The following CNTRL variants were observed in gnomAD, a reference collection of about 807,000 sequenced individuals.
CNTRL encodes centriolin, also known as 110 kDa centrosomal protein.
In CNTRL, 233 loss-of-function variants were observed where a neutral mutation model predicts 303.7. The observed-to-expected ratio is 0.77, with a 90% CI of 0.69 to 0.86. The LOEUF (loss-of-function observed/expected upper bound fraction) is 0.86. CNTRL is among the 40% of genes least tolerant of loss of function. CNTRL has a pLI of 0.00. For missense variants in CNTRL, 2,524 were observed against 2,650.6 expected, an observed-to-expected ratio of 0.95 and a Z score of 1.05; for synonymous variants, 900 against 922.2, an observed-to-expected ratio of 0.98 and a Z score of 0.44.
chr9:121,109,856 C>T (rs2049668042), intron 8 of CNTRL, among the ~76,000 whole-genome samples: 2 of 152,002 alleles, frequency 1.3e-5, no homozygotes, highest in African/African-American at 2.4e-5. Flanking sequence ...TTGAGTATTG[C>T]ATATATATTT....
chr9:121,121,165 C>T (rs2050207874), intron 12 of CNTRL, among the ~76,000 whole-genome samples: 1 of 152,158 alleles, frequency 6.6e-6, no homozygotes, highest in Non-Finnish European at 1.5e-5. Flanking sequence ...AAAGTAAAAG[C>T]TTCACTTTGA....
chr9:121,089,951 A>G (rs1457364747), intron 3 of CNTRL, among the ~76,000 whole-genome samples: 1 of 152,174 alleles, frequency 6.6e-6, no homozygotes, highest in Admixed American at 6.5e-5. Flanking sequence ...TATAGTGTGT[A>G]TAACCATTAT....
At chr9:121,154,072 A>G (rs2052432752) in intron 26 of CNTRL, among the ~76,000 whole-genome samples, 1 of 152,220 alleles carries the variant, frequency 6.6e-6, no homozygotes, top group South Asian at 2.1e-4. Flanking sequence ...GGAAGTTTGG[A>G]TAACACAAAA....
At position 121,140,697 on chromosome 9, in the gene CNTRL, T is replaced by C. The variant is rs2051457276; in HGVS notation, c.2394T>C (p.His798=). The C allele has an allele frequency of 6.2e-7, 1 of 1,613,322 alleles. No individual in the cohort carries two copies. The highest frequency in any genetic ancestry group is 8.5e-7 in the Non-Finnish European group (1 of 1,179,496). ...AAGATTTCCAGAATCACCTTAACCA[T>C]GTGGTTGATGGTTTGGTTCGTCCAG... ...QLKDFQNHLN[H]VVDGLVRPEE... The change falls in exon 17 of 44, where the codon CAT becomes CAC. Residue 798 remains histidine, a synonymous_variant. Coordinates refer to ENST00000373855, the MANE Select transcript of CNTRL (RefSeq NM_007018.6).
At position 121,142,091 on chromosome 9, in the gene CNTRL, A is replaced by G. The variant is rs778179651; in HGVS notation, c.2692A>G (p.Met898Val). Residue 898 changes from methionine (M) to valine (V), a missense_variant and splice_region_variant, in exon 19 of 44, where the codon ATG (methionine) becomes GTG (valine). Transcript: ENST00000373855. The part of the protein sequence containing the change: ...QACERALEAR[M>V]NFDKRQHEAR... ...TTCTTGAAATTGTATTTCTTCACAG[A>G]TGAATTTTGATAAGAGGCAACATGA... The G allele has an allele frequency of 7.0e-6, 11 of 1,573,236 alleles. No individual in the cohort carries two copies. Among genetic ancestry groups the G allele is most frequent in the South Asian group, 1.2e-5 (1 of 83,950 alleles).
In CNTRL at chr9:121,175,013, T is replaced by C. The variant is rs761048807; in HGVS notation, c.6748-5T>C. The C allele has an allele frequency of 5.6e-6, 9 of 1,613,564 alleles. No individual in the cohort carries two copies. The Admixed American group carries it at 1.5e-4, about 27-fold the overall frequency. On this transcript the variant is annotated splice_region_variant and splice_polypyrimidine_tract_variant and intron_variant, in intron 42 of 43. Coordinates refer to ENST00000373855, the MANE Select transcript of CNTRL (RefSeq NM_007018.6). ...TAAAACCCTAAGTCTTATCACACTT[T>C]TCAGGCCCAACTCCGACACTGTATG...
chr9:121,076,582 G>A (rs2131918809), intron 1 of CNTRL, among the ~76,000 whole-genome samples: 1 of 152,222 alleles, frequency 6.6e-6, no homozygotes, highest in African/African-American at 2.4e-5. Context: ...TGGATGGATA[G>A]AGAAATGTTG....
chr9:121,093,310 T>C (rs150686507), intron 4 of CNTRL, among the ~76,000 whole-genome samples: 3 of 152,256 alleles, frequency 2.0e-5, no homozygotes, highest in Non-Finnish European at 4.4e-5. Flanking sequence ...CCAATACAGG[T>C]TGAGCATCCC....
At chr9:121,121,441 T>C (rs1441009492) in intron 12 of CNTRL, among the ~76,000 whole-genome samples, 5 of 152,190 alleles carry the variant, frequency 3.3e-5, no homozygotes, top group African/African-American at 1.2e-4. Flanking sequence ...TAAAATTAGC[T>C]CAGAACTAAG....
Position 121,169,773 on chromosome 9 carries a change from A to G in CNTRL, c.6233A>G (p.Glu2078Gly). The change falls in exon 39 of 44, where the codon GAA becomes GGA. Residue 2078 changes from glutamate (E) to glycine (G), a missense_variant. Transcript: ENST00000373855. ...GAGAAGCAGGTGGCCAGCCTGAAGG[A>G]AGCACTTAAGATCCAGCGGAGCCAG... ...KAEKQVASLK[E>G]ALKIQRSQLE... 1 of 1,614,186 alleles carries G rather than the reference A, an allele frequency of 6.2e-7. No individual in the cohort carries two copies. The highest frequency in any genetic ancestry group is 8.5e-7 in the Non-Finnish European group (1 of 1,180,024).
intron 7 of CNTRL, among the ~76,000 whole-genome samples, chr9:121,102,537 A>G (rs1028387871): frequency 6.6e-6 from 1 of 152,142 alleles, no homozygotes; most frequent in Non-Finnish European, 1.5e-5. Flanking sequence ...AGTGTTGGAA[A>G]TTCTGGCCAG....
intron 42 of CNTRL, 136 bp from the exon 43 acceptor site, chr9:121,174,882 T>G: frequency 1.3e-6 from 1 of 767,128 alleles, no homozygotes; most frequent in Non-Finnish European, 2.3e-6. Context: ...CCTACAATTC[T>G]TTTTAAAGAT....
intron 39 of CNTRL, among the ~76,000 whole-genome samples, chr9:121,170,488 C>T (rs2053260456): frequency 6.6e-6 from 1 of 151,648 alleles, no homozygotes. Context: ...CAGAGTCTTG[C>T]TCTGTCGCCC....
rs369139337 is a variant in CNTRL, at chr9:121,141,528, G to A, written c.2631G>A (p.Glu877=). ...KLQEEMALQQ[E]KLATGQEEFR... is the part of the protein sequence containing the mutation. ...AAGAAGAAATGGCTCTGCAGCAAGA[G>A]AAACTGGCAACTGGACAAGAAGAGT... The change falls in exon 18 of 44, where the codon GAG becomes GAA. Residue 877 remains glutamate, a synonymous_variant. Coordinates refer to ENST00000373855, the MANE Select transcript of CNTRL (RefSeq NM_007018.6). 2.0e-5 allele frequency: 32 copies of A among 1,614,114 alleles called. No homozygotes were observed. The East Asian group carries it at 6.5e-4, about 33-fold the overall frequency.
chr9:121,110,046 T>C (rs2049678235), intron 8 of CNTRL, among the ~76,000 whole-genome samples: 1 of 152,162 alleles, frequency 6.6e-6, no homozygotes, highest in Admixed American at 6.6e-5. Flanking sequence ...CATCTGTGAT[T>C]ATGTGAAGTT....
chr9:121,115,972 A>G (rs1488146187), intron 11 of CNTRL, among the ~76,000 whole-genome samples: 2 of 152,182 alleles, frequency 1.3e-5, no homozygotes, highest in Admixed American at 1.3e-4. Flanking sequence ...CTGGGCGCTG[A>G]TTAATGAACA....
At chr9:121,170,670 G>C (rs910594003) in intron 39 of CNTRL, among the ~76,000 whole-genome samples, 1 of 151,614 alleles carries the variant, frequency 6.6e-6, no homozygotes, top group Non-Finnish European at 1.5e-5. Context: ...GGCCAGGCTG[G>C]TCTTGCACTC....
chr9:121,123,759 C>T (rs1053620012), intron 12 of CNTRL, among the ~76,000 whole-genome samples, 172 bp from the exon 13 acceptor site: 1 of 152,146 alleles, frequency 6.6e-6, no homozygotes, highest in Non-Finnish European at 1.5e-5. Flanking sequence ...ATCAAGTTAT[C>T]CTGAAATTTA....
chr9:121,117,911 A>G (rs987474032), intron 11 of CNTRL, among the ~76,000 whole-genome samples: 1 of 151,858 alleles, frequency 6.6e-6, no homozygotes, highest in African/African-American at 2.4e-5. Flanking sequence ...CCCGGGATGC[A>G]GAGCTTGCGG....
Sources: gnomAD v4.1 joint callset for allele counts (sites outside exome capture counted in the v4.1 genomes callset) on GRCh38, gnomAD v4.1.1 for gene constraint, MANE v1.5 for transcripts, NCBI Gene and HGNC (gene_info 2026-07-23, HGNC 2026-07-21) for gene names.